SYNJ1: variants seen among roughly 807,000 people sequenced by gnomAD.
SYNJ1 encodes synaptojanin 1, also known as polyphosphatidylinositol phosphatase SYNJ1.
In SYNJ1, 78 loss-of-function variants were observed where a neutral mutation model predicts 168.2. The ratio of observed to expected loss-of-function variants is 0.46; its 90% CI spans 0.39 to 0.56. The LOEUF (loss-of-function observed/expected upper bound fraction) is 0.56, where lower values mean the gene tolerates loss of function less well. Ranked by LOEUF, SYNJ1 falls within the 20% of genes least tolerant of loss-of-function variation. The probability of loss-of-function intolerance (pLI) is 0.00; values close to 1 mark genes in which losing one functional copy is unlikely to be tolerated. For synonymous variants in SYNJ1, 539 were observed against 548.6 expected (o/e 0.98, Z 0.24); for missense variants, 1,303 against 1,597.6 (o/e 0.82, Z 3.14).
chr21:32,673,724 C>G (rs2041293890), intron 13 of SYNJ1, among the ~76,000 whole-genome samples, 193 bp from the exon 14 acceptor site: 2 of 146,806 alleles, frequency 1.4e-5, no homozygotes, highest in Non-Finnish European at 3.0e-5. Flanking sequence ...AATTAACCAA[C>G]ACATCTTTAA....
intron 6 of SYNJ1, among the ~76,000 whole-genome samples, chr21:32,689,880 T>C (rs909328905): frequency 3.3e-5 from 5 of 152,232 alleles, no homozygotes; most frequent in Non-Finnish European, 7.3e-5. Context: ...ATAATATTCA[T>C]AAAAGTTTAA....
chr21:32,631,671 G>GT lies in SYNJ1; in HGVS notation c.*133dup. 1 of 1,614,228 alleles carries GT rather than the reference G, an allele frequency of 6.2e-7. No homozygotes were observed. Among genetic ancestry groups the GT allele is most frequent in the South Asian group, 1.1e-5 (1 of 91,084 alleles). On this transcript the variant is annotated 3_prime_UTR_variant, in exon 33 of 33. Coordinates refer to ENST00000674351, the MANE Select transcript of SYNJ1 (RefSeq NM_203446.3). ...CTGAATCAACCTCTTTGGGTCTGGG[G>GT]TGGGAACAGGTGACGTTTGAACAGA...
intron 18 of SYNJ1, among the ~76,000 whole-genome samples, chr21:32,664,476 T>C (rs1455285710): frequency 6.6e-6 from 1 of 151,774 alleles, no homozygotes; most frequent in East Asian, 1.9e-4. Context: ...ATCTATAGAT[T>C]TCAGACATTG....
chr21:32,692,602 T>TATCA (rs1210462264), intron 6 of SYNJ1, among the ~76,000 whole-genome samples: 2 of 151,758 alleles, frequency 1.3e-5, no homozygotes, highest in Non-Finnish European at 2.9e-5. Flanking sequence ...ATTTTCCACC[T>TATCA]ATCACCACAT....
chr21:32,692,591 A>C (rs2042064910), intron 6 of SYNJ1, among the ~76,000 whole-genome samples: 1 of 151,908 alleles, frequency 6.6e-6, no homozygotes, highest in Non-Finnish European at 1.5e-5. Context: ...AAAAATCCAT[A>C]ATTTTCCACC....
rs112067922 is a variant in SYNJ1, at chr21:32,678,625, A to G, written c.1510+20T>C. 55 of 1,518,386 alleles carry G rather than the reference A, an allele frequency of 3.6e-5. 3 individuals carry two copies. The African/African-American group carries it at 5.5e-4, about 15-fold the overall frequency. The allele number at this position is 1,518,386 out of a possible 1,614,324, so 94.1% of individuals were successfully genotyped here. A position where few individuals can be genotyped will look rare whatever the true frequency, so the allele number is the denominator to read the frequency against. Reference sequence around the variant, plus strand: ...ACCTTTAGGAATATAAATAACAAATAAAATATAAAGTGCACATACCACGCA... The same window carrying G: ...ACCTTTAGGAATATAAATAACAAATGAAATATAAAGTGCACATACCACGCA... On this transcript the variant is annotated intron_variant, in intron 12 of 32. Coordinates refer to ENST00000674351, the MANE Select transcript of SYNJ1 (RefSeq NM_203446.3).
intron 1 of SYNJ1, among the ~76,000 whole-genome samples, chr21:32,727,128 T>C (rs1212044858): frequency 2.0e-5 from 3 of 152,290 alleles, no homozygotes; most frequent in South Asian, 2.1e-4. Context: ...TCAATTCTCA[T>C]ACCAAGGCAA....
intron 22 of SYNJ1, among the ~76,000 whole-genome samples, chr21:32,652,894 T>C (rs1424732830): frequency 3.3e-5 from 5 of 152,194 alleles, no homozygotes; most frequent in Non-Finnish European, 5.9e-5. Flanking sequence ...AACAAATTCC[T>C]AGGAATAATG....
At chr21:32,670,438 A>G (rs1177809472) in intron 14 of SYNJ1, 66 bp from the exon 15 acceptor site, 3 of 1,177,900 alleles carry the variant, frequency 2.5e-6, no homozygotes, top group Non-Finnish European at 2.5e-6. Context: ...CCCATCCAAC[A>G]CAACATAACA....
intron 18 of SYNJ1, among the ~76,000 whole-genome samples, chr21:32,660,467 A>G (rs2040647127): frequency 6.6e-6 from 1 of 152,256 alleles, no homozygotes. Context: ...CTGGTCAAGC[A>G]TAACTGTGTA....
chr21:32,637,513 A>T (rs533895087), intron 31 of SYNJ1, among the ~76,000 whole-genome samples: 1 of 149,802 alleles, frequency 6.7e-6, no homozygotes, highest in Non-Finnish European at 1.5e-5. Flanking sequence ...GGTTCAACCA[A>T]TTCTCCTGTC....
At chr21:32,653,475 T>A in intron 21 of SYNJ1, 109 bp from the exon 22 acceptor site, 1 of 871,450 alleles carries the variant, frequency 1.1e-6, no homozygotes, top group Non-Finnish European at 1.8e-6. Context: ...GGCCAGGAAG[T>A]AAAAAGTAAA....
At chr21:32,667,295 A>C (rs777627606) in intron 15 of SYNJ1, among the ~76,000 whole-genome samples, 1 of 152,178 alleles carries the variant, frequency 6.6e-6, no homozygotes, top group Non-Finnish European at 1.5e-5. Context: ...AATTATAACT[A>C]ATGTCTTTTT....
In SYNJ1 at chr21:32,673,473, C is replaced by T; in HGVS notation, c.1593G>A (p.Lys531=). ...AGGTTCCGACACATACTCGAATTTT[C>T]TTAGGCTTTGAATATTTGTAGAAAT... is the stretch of plus-strand genomic sequence containing the variant. ...CENFYKYSKP[K]KIRVCVGTWN... is the part of the protein sequence containing the mutation. The change falls in exon 14 of 33, where the codon AAG becomes AAA. Residue 531 remains lysine, a synonymous_variant. Coordinates refer to ENST00000674351, the MANE Select transcript of SYNJ1 (RefSeq NM_203446.3). The T allele has an allele frequency of 1.2e-6, 2 of 1,613,342 alleles. No individual in the cohort carries two copies. Among genetic ancestry groups the T allele is most frequent in the South Asian group, 1.1e-5 (1 of 90,982 alleles).
intron 1 of SYNJ1, 98 bp downstream of exon 1, chr21:32,727,848 A>G: frequency 2.0e-6 from 3 of 1,501,548 alleles, no homozygotes; most frequent in Non-Finnish European, 2.7e-6. Context: ...GCTCCCGCTG[A>G]CGCTGCGGAG....
At chr21:32,683,246 A>C (rs1198261638) in intron 10 of SYNJ1, among the ~76,000 whole-genome samples, 1 of 152,016 alleles carries the variant, frequency 6.6e-6, no homozygotes, top group Non-Finnish European at 1.5e-5. Context: ...CTTGCAGAGG[A>C]GGGAAGACTT....
intron 2 of SYNJ1, among the ~76,000 whole-genome samples, chr21:32,709,314 T>TA (rs1344197253): frequency 6.6e-6 from 1 of 151,720 alleles, no homozygotes; most frequent in Non-Finnish European, 1.5e-5. Flanking sequence ...CTGTCTCTAC[T>TA]AAAAATACAA....
intron 13 of SYNJ1, 70 bp from the exon 14 acceptor site, chr21:32,673,601 G>C: frequency 7.5e-7 from 1 of 1,325,264 alleles, no homozygotes; most frequent in Non-Finnish European, 1.0e-6. Flanking sequence ...TTTCATAACT[G>C]AGATACGATG....
intron 1 of SYNJ1, 141 bp downstream of exon 1, chr21:32,727,805 C>G: frequency 6.9e-7 from 1 of 1,451,554 alleles, no homozygotes; most frequent in South Asian, 1.4e-5. Context: ...GCCCGTCCTC[C>G]CGCACCCCGG....
Sources: allele counts gnomAD v4.1 joint callset (sites outside exome capture counted in the v4.1 genomes callset), GRCh38; gene constraint gnomAD v4.1.1; transcripts MANE v1.5; gene names NCBI Gene and HGNC (gene_info 2026-07-23, HGNC 2026-07-21).